Variants in SH3GL2 observed in about 807,000 individuals in gnomAD.
SH3GL2 encodes the protein endophilin-A1.
SH3GL2 carries 24 observed loss-of-function variants against 46.0 expected under a neutral mutation model. The observed-to-expected ratio is 0.52, with a 90% CI of 0.38 to 0.73. The LOEUF (loss-of-function observed/expected upper bound fraction) is 0.73. Among genes scored for constraint, SH3GL2 ranks in the 30% least tolerant of loss-of-function variants. The probability of loss-of-function intolerance (pLI) is 0.00; values close to 1 mark genes in which losing one functional copy is unlikely to be tolerated. For missense variants in SH3GL2, 413 were observed against 424.2 expected (o/e 0.97, Z 0.23); for synonymous variants, 196 against 147.1 (o/e 1.33, Z -2.40).
chr9:17,637,662 T>G (rs1224498072), intron 1 of SH3GL2, among the ~76,000 whole-genome samples: 1 of 152,238 alleles, frequency 6.6e-6, no homozygotes, highest in East Asian at 1.9e-4. Flanking sequence ...AAATGTCTTG[T>G]CCTTTCTGAG....
At chr9:17,731,052 C>T (rs980676545) in intron 1 of SH3GL2, among the ~76,000 whole-genome samples, 3 of 152,108 alleles carry the variant, frequency 2.0e-5, no homozygotes, top group Non-Finnish European at 2.9e-5. Context: ...GCGACAGTCA[C>T]GATTCTGTGG....
At chr9:17,721,779 T>A (rs1255703777) in intron 1 of SH3GL2, among the ~76,000 whole-genome samples, 1 of 152,070 alleles carries the variant, frequency 6.6e-6, no homozygotes, top group Non-Finnish European at 1.5e-5. Context: ...AGAGAGGCCT[T>A]CCCAGCCTCC....
At chr9:17,696,680 C>T (rs917185964) in intron 1 of SH3GL2, among the ~76,000 whole-genome samples, 2 of 152,138 alleles carry the variant, frequency 1.3e-5, no homozygotes, top group African/African-American at 4.8e-5. Context: ...GGGGAACTGC[C>T]CACATGATTC....
chr9:17,713,119 T>A (rs1821672532), intron 1 of SH3GL2, among the ~76,000 whole-genome samples: 1 of 151,420 alleles, frequency 6.6e-6, no homozygotes, highest in African/African-American at 2.4e-5. Context: ...TGTCACATGC[T>A]GTTGAGATGA....
At chr9:17,595,537 G>A (rs1335316619) in intron 1 of SH3GL2, among the ~76,000 whole-genome samples, 1 of 152,138 alleles carries the variant, frequency 6.6e-6, no homozygotes, top group African/African-American at 2.4e-5. Flanking sequence ...CTGTAATTCT[G>A]TTTTTAGGAA....
chr9:17,736,821 G>A lies in SH3GL2; in HGVS notation c.46-10245G>A, dbSNP rs1014398609. 3.3e-5 allele frequency among the ~76,000 whole-genome samples: 5 copies of A among 152,078 alleles called. No individual in the cohort carries two copies. In the East Asian group the frequency reaches 5.8e-4, roughly 18 times the overall value. On this transcript the variant is annotated intron_variant, in intron 1 of 8. Coordinates refer to ENST00000380607, the MANE Select transcript of SH3GL2 (RefSeq NM_003026.5). Reference sequence around the variant, plus strand: ...CCGTCAATTACTGTACTTTTCATGAGCATTGCCTGTGGTTCCAAATGATAT... The same window carrying A: ...CCGTCAATTACTGTACTTTTCATGAACATTGCCTGTGGTTCCAAATGATAT...
chr9:17,778,016 A>C (rs1563850582), intron 3 of SH3GL2, among the ~76,000 whole-genome samples: 1 of 151,956 alleles, frequency 6.6e-6, no homozygotes, highest in Non-Finnish European at 1.5e-5. Flanking sequence ...GTCCATGACA[A>C]TCTGGGAGTG....
At chr9:17,677,605 C>T (rs904822522) in intron 1 of SH3GL2, among the ~76,000 whole-genome samples, 1 of 148,688 alleles carries the variant, frequency 6.7e-6, no homozygotes, top group African/African-American at 2.6e-5. Context: ...CTACTGTTAC[C>T]TACTGTTTAA....
At chr9:17,671,598 C>A (rs914643215) in intron 1 of SH3GL2, among the ~76,000 whole-genome samples, 2 of 151,978 alleles carry the variant, frequency 1.3e-5, no homozygotes, top group Non-Finnish European at 2.9e-5. Context: ...TCATGTACCC[C>A]ATACATATAC....
intron 8 of SH3GL2, among the ~76,000 whole-genome samples, chr9:17,794,476 T>G (rs532861612): frequency 6.6e-5 from 10 of 152,352 alleles, no homozygotes; most frequent in African/African-American, 2.4e-4. Context: ...CTCCTGGAGC[T>G]GGCCACCAGG....
intron 1 of SH3GL2, among the ~76,000 whole-genome samples, chr9:17,690,150 G>A (rs1821036384): frequency 6.6e-6 from 1 of 152,080 alleles, no homozygotes; most frequent in African/African-American, 2.4e-5. Flanking sequence ...TGCAGCAGTT[G>A]TATACCTCTG....
chr9:17,605,330 C>T (rs1020945783), intron 1 of SH3GL2, among the ~76,000 whole-genome samples: 2 of 152,208 alleles, frequency 1.3e-5, no homozygotes, highest in South Asian at 2.1e-4. Context: ...TCACTACTGA[C>T]TCATCCTCTT....
intron 1 of SH3GL2, among the ~76,000 whole-genome samples, chr9:17,639,518 A>G (rs1819622429): frequency 6.6e-6 from 1 of 152,246 alleles, no homozygotes. Context: ...AGTTAAAAAG[A>G]GAATACCAAA....
chr9:17,662,099 A>G (rs111516824), intron 1 of SH3GL2, among the ~76,000 whole-genome samples: 2,883 of 152,276 alleles, frequency 0.019, 46 homozygotes, highest in African/African-American at 0.033. Context: ...TGAATATTCC[A>G]TGAGTGCTTG....
chr9:17,725,577 C>T (rs1822001064), intron 1 of SH3GL2, among the ~76,000 whole-genome samples: 1 of 152,144 alleles, frequency 6.6e-6, no homozygotes, highest in Admixed American at 6.5e-5. Flanking sequence ...TTCTCCTGCA[C>T]AGAATCTCTG....
At chr9:17,742,373 G>T (rs757834070) in intron 1 of SH3GL2, among the ~76,000 whole-genome samples, 8 of 152,154 alleles carry the variant, frequency 5.3e-5, no homozygotes, top group Non-Finnish European at 1.5e-5. Context: ...TTAAGCTGTC[G>T]CTGGCTGGTG....
At chr9:17,779,222 T>A (rs1823730774) in intron 3 of SH3GL2, among the ~76,000 whole-genome samples, 1 of 152,184 alleles carries the variant, frequency 6.6e-6, no homozygotes, top group African/African-American at 2.4e-5. Context: ...GATGGGGTCC[T>A]TAAATCTATG....
At chr9:17,760,554 G>C (rs936001812) in intron 2 of SH3GL2, among the ~76,000 whole-genome samples, 1 of 151,938 alleles carries the variant, frequency 6.6e-6, no homozygotes, top group African/African-American at 2.4e-5. Flanking sequence ...ATAGTTGAAG[G>C]GGGAGCCTTT....
chr9:17,683,014 C>T (rs1051208017), intron 1 of SH3GL2, among the ~76,000 whole-genome samples: 3 of 152,122 alleles, frequency 2.0e-5, no homozygotes, highest in Non-Finnish European at 4.4e-5. Context: ...TTTTCTTGGT[C>T]TCATCAGAGA....
Sources: gnomAD v4.1 joint callset for allele counts (sites outside exome capture counted in the v4.1 genomes callset) on GRCh38, gnomAD v4.1.1 for gene constraint, MANE v1.5 for transcripts, NCBI Gene and HGNC (gene_info 2026-07-23, HGNC 2026-07-21) for gene names.